The following DNAAF2 variants were observed in gnomAD, a reference collection of about 807,000 sequenced individuals.
The protein encoded by DNAAF2 is protein kintoun.
DNAAF2 carries 58 observed loss-of-function variants against 48.8 expected under a neutral mutation model. The ratio of observed to expected loss-of-function variants is 1.19; its 90% confidence interval spans 0.96 to 1.48. The LOEUF (loss-of-function observed/expected upper bound fraction) is 1.48. DNAAF2 is among the 40% of genes most tolerant of loss of function. DNAAF2 has a pLI of 0.00. For synonymous variants in DNAAF2, 567 were observed against 481.2 expected (o/e 1.18, Z -2.33); for missense variants, 1,241 against 1,116.1 (o/e 1.11, Z -1.59).
Position 49,633,988 on chromosome 14 carries a change from C to G in DNAAF2, c.1162G>C (p.Ala388Pro). The change falls in exon 1 of 3, where the codon GCG (alanine) becomes CCG (proline). Residue 388 changes from alanine (A) to proline (P), a missense_variant. Transcript: ENST00000298292. ...TCCGCGCGACTCCTCGCGGGTCCCG[C>G]CTCCCCCTCGCGAGCGGAAGCGCAG... ...QACASAREGE[A>P]GPARSRAEDG... 1 of 1,524,704 alleles carries G rather than the reference C, an allele frequency of 6.6e-7. No homozygotes were observed. The highest frequency in any genetic ancestry group is 1.2e-5 in the South Asian group (1 of 82,586). 94.4% of individuals were successfully genotyped at this position (1,524,704 alleles called of 1,614,324 possible).
In DNAAF2 at chr14:49,634,921, C is replaced by T; in HGVS notation, c.229G>A (p.Val77Met). The stretch of plus-strand genomic sequence containing the variant: ...GCCCCGTCCAGGCTGGTGCGCAGCA[C>T]ATGGCCGGGCTCCGGGTGCACGAAC... ...VRFVHPEPGH[V>M]LRTSLDGARR... Residue 77 changes from valine (V) to methionine (M), a missense_variant, in exon 1 of 3, where the codon GTG becomes ATG. Transcript: ENST00000298292. The T allele has an allele frequency of 6.4e-7, 1 of 1,553,222 alleles. No individual in the cohort carries two copies. Among genetic ancestry groups the T allele is most frequent in the Non-Finnish European group, 8.7e-7 (1 of 1,148,272 alleles).
Position 49,634,843 on chromosome 14 carries a change from T to G in DNAAF2, c.307A>C (p.Ser103Arg). 6.5e-7 allele frequency: 1 copy of G among 1,545,724 alleles called. No individual in the cohort carries two copies. Among genetic ancestry groups the G allele is most frequent in the Non-Finnish European group, 8.7e-7 (1 of 1,145,852 alleles). The change falls in exon 1 of 3, where the codon AGC becomes CGC. Residue 103 changes from serine to arginine, a missense_variant. By Grantham distance (110) the Ser-to-Arg change is moderately radical. Transcript: ENST00000298292. ...CGGTCGCCACCGGAGCCGGGCCGGC[T>G]GCTGGGCGCGCCCACCAACGCGTTG... ...CSNALVGAPS[S>R]RPGSGGDRGA...
In DNAAF2 at chr14:49,625,515, T is replaced by C; in HGVS notation, c.*27A>G. On this transcript the variant is annotated 3_prime_UTR_variant, in exon 3 of 3. Coordinates refer to ENST00000298292, the MANE Select transcript of DNAAF2 (RefSeq NM_018139.3). ...AGATACAGGTATTTTTTAACCTTAA[T>C]ATTTAAAAGTCCAAAATTATATAGA... The C allele has an allele frequency of 7.1e-7, 1 of 1,401,226 alleles. No individual in the cohort carries two copies. The highest frequency in any genetic ancestry group is 9.4e-7 in the Non-Finnish European group (1 of 1,059,628). The allele number at this position is 1,401,226 out of a possible 1,614,324, so 86.8% of individuals were successfully genotyped here.
Position 49,634,305 on chromosome 14 carries a change from T to TCATGGGG in DNAAF2, c.838_844dup (p.Glu282AlafsTer3). The TCATGGGG allele has an allele frequency of 6.2e-7, 1 of 1,611,940 alleles. No homozygotes were observed. The highest frequency in any genetic ancestry group is 8.5e-7 in the Non-Finnish European group (1 of 1,179,726). ...CGGCAGTTCGATGGTGATCACCAGC[T>TCATGGGG]CATGGGGCACGGGGCTCGGGGCTGA... On this transcript the variant is annotated stop_gained and frameshift_variant, in exon 1 of 3. Coordinates refer to ENST00000298292, the MANE Select transcript of DNAAF2 (RefSeq NM_018139.3). LOFTEE classifies it high-confidence loss of function.
intron 2 of DNAAF2, among the ~76,000 whole-genome samples, chr14:49,626,422 G>A (rs1463979183): frequency 6.6e-6 from 1 of 152,170 alleles, no homozygotes; most frequent in Non-Finnish European, 1.5e-5. Flanking sequence ...CCGGGAGGTG[G>A]AGGTTGCACT....
chr14:49,629,193 A>C (rs1293970631), intron 1 of DNAAF2: 1 of 151,714 alleles, frequency 6.6e-6, no homozygotes, highest in Admixed American at 6.6e-5. Flanking sequence ...AAACTTCTGC[A>C]CTCAAGTGAT....
intron 1 of DNAAF2, 37 bp downstream of exon 1, chr14:49,633,250 A>T (rs1883211330): frequency 6.2e-7 from 1 of 1,601,258 alleles, no homozygotes; most frequent in East Asian, 2.2e-5. Context: ...GTGAGATGGG[A>T]TATTTCAAAT....
intron 1 of DNAAF2, among the ~76,000 whole-genome samples, chr14:49,630,653 CA>C (rs1240085745): frequency 2.3e-5 from 3 of 131,378 alleles, no homozygotes; most frequent in Non-Finnish European, 3.4e-5. Context: ...TATTTTGGCC[CA>C]AATAAACTCT....
chr14:49,633,935 A>AGCCACGCAGGTATCGT lies in DNAAF2; in HGVS notation c.1199_1214dup (p.Gly406ArgfsTer90), dbSNP rs397515341. 11 of 1,530,750 alleles carry AGCCACGCAGGTATCGT rather than the reference A, an allele frequency of 7.2e-6. No homozygotes were observed. Among genetic ancestry groups the AGCCACGCAGGTATCGT allele is most frequent in the Non-Finnish European group, 1.7e-6 (2 of 1,144,912 alleles). The allele number at this position is 1,530,750 out of a possible 1,614,324, so 94.8% of individuals were successfully genotyped here. On this transcript the variant is annotated frameshift_variant, in exon 1 of 3. Coordinates refer to ENST00000298292, the MANE Select transcript of DNAAF2 (RefSeq NM_018139.3). LOFTEE classifies it high-confidence loss of function. ...TGGTGACCCCGGAGCCCGCAGCCCCAGCCACGCAGGTATCGTGGCCTCCGT... is the reference window on the plus strand; with the variant it reads ...TGGTGACCCCGGAGCCCGCAGCCCCAGCCACGCAGGTATCGTGCCACGCAGGTATCGTGGCCTCCGT...
intron 1 of DNAAF2, 74 bp downstream of exon 1, chr14:49,633,212 GC>G: frequency 6.5e-7 from 1 of 1,549,048 alleles, no homozygotes; most frequent in Non-Finnish European, 8.8e-7. Context: ...GAGCCACCGC[GC>G]CCGGCCGGTA....
Position 49,633,386 on chromosome 14 carries a change from G to C in DNAAF2, c.1764C>G (p.Ser588Arg). The C allele has an allele frequency of 1.9e-6, 3 of 1,614,050 alleles. No homozygotes were observed. Among genetic ancestry groups the C allele is most frequent in the Non-Finnish European group, 2.5e-6 (3 of 1,179,900 alleles). The change falls in exon 1 of 3, where the codon AGC (serine) becomes AGG (arginine). Residue 588 changes from serine (S) to arginine (R), a missense_variant. Transcript: ENST00000298292. ...NKLSTTEPVI[S>R]ISSNNAVIEL... The stretch of plus-strand genomic sequence containing the variant: ...CTATCACTGCATTGTTTGAAGAAAT[G>C]CTAATCACAGGTTCTGTGGTACTCA...
rs778237690 is a variant in DNAAF2 at position 49,633,761 on chromosome 14, A to G, written c.1389T>C (p.Gly463=). The G allele has an allele frequency of 1.9e-6, 3 of 1,591,248 alleles. No individual in the cohort carries two copies. The highest frequency in any genetic ancestry group is 2.6e-6 in the Non-Finnish European group (3 of 1,172,342). ...AGGACAAACAAGGGGAGCCTCCGCC[A>G]CCAGGTGAGTTTTCTCCTCCAGGAG... is the stretch of plus-strand genomic sequence containing the variant. The part of the protein sequence containing the change: ...EPSPGGENSP[G]GGGSPCLSSR... The change falls in exon 1 of 3, where the codon GGT becomes GGC. Residue 463 remains glycine (G), a synonymous_variant. Transcript: ENST00000298292.
chr14:49,625,635 G>T lies in DNAAF2; in HGVS notation c.2421C>A (p.Thr807=), dbSNP rs1594602058. Residue 807 remains threonine (T), a synonymous_variant, in exon 3 of 3, where the codon ACC becomes ACA. Coordinates refer to ENST00000298292, the MANE Select transcript of DNAAF2 (RefSeq NM_018139.3). ...CCTGCACACTACCATCCTGCATATT[G>T]GTTTCTTTTATGCTGTCGAATCCAG... is the stretch of plus-strand genomic sequence containing the variant. ...NIPGFDSIKE[T]NMQDGSVQVI... The T allele has an allele frequency of 6.2e-7, 1 of 1,613,594 alleles. No homozygotes were observed. Among genetic ancestry groups the T allele is most frequent in the East Asian group, 2.2e-5 (1 of 44,804 alleles).
chr14:49,634,942 C>T lies in DNAAF2; in HGVS notation c.208G>A (p.Val70Met), dbSNP rs906587547. The change falls in exon 1 of 3, where the codon GTG (valine) becomes ATG (methionine). Residue 70 changes from valine (V) to methionine (M), a missense_variant. Val to Met is a conservative substitution (Grantham distance 21). Transcript: ENST00000298292. Reference protein sequence around the residue: ...ERERGVEVRFVHPEPGHVLRT... With the variant: ...ERERGVEVRFMHPEPGHVLRT... ...AGCACATGGCCGGGCTCCGGGTGCA[C>T]GAACCGCACTTCCACCCCGCGCTCA... The T allele has an allele frequency of 6.4e-7, 1 of 1,556,368 alleles. No homozygotes were observed.
At chr14:49,629,557 T>C (rs1179033879) in intron 1 of DNAAF2, 3 of 152,056 alleles carry the variant, frequency 2.0e-5, no homozygotes, top group Non-Finnish European at 1.5e-5. Context: ...GAGACCAGCC[T>C]GGCCAACATA....
chr14:49,635,152 T>C lies in DNAAF2; in HGVS notation c.-3A>G. On this transcript the variant is annotated 5_prime_UTR_variant, in exon 1 of 3. Transcript: ENST00000298292. ...GAGGAGGCCGCCGCTTTGGCCATAC[T>C]GTCCTGTGGCTCCTCGCCCTCGGGC... 1 of 1,556,280 alleles carries C rather than the reference T, an allele frequency of 6.4e-7. No individual in the cohort carries two copies. The highest frequency in any genetic ancestry group is 2.4e-5 in the East Asian group (1 of 41,382).
rs1186991886 is a variant in DNAAF2 at position 49,634,465 on chromosome 14, G to C, written c.685C>G (p.Gln229Glu). 1 of 1,570,782 alleles carries C rather than the reference G, an allele frequency of 6.4e-7. No homozygotes were observed. The highest frequency in any genetic ancestry group is 1.8e-5 in the Admixed American group (1 of 54,830). Residue 229 changes from glutamine (Q) to glutamate (E), a missense_variant, in exon 1 of 3, where the codon CAG (glutamine) becomes GAG (glutamate). Transcript: ENST00000298292. Reference sequence around the variant, plus strand: ...CGGGGCCCGGGGGCTGCCGGGTACTGGTAAGGGTAGGGGAAGTCCGGGAGA... The same window carrying C: ...CGGGGCCCGGGGGCTGCCGGGTACTCGTAAGGGTAGGGGAAGTCCGGGAGA... ...GPLPDFPYPY[Q>E]YPAAPGPRAP...
Position 49,634,794 on chromosome 14 carries a change from C to T in DNAAF2, c.356G>A (p.Trp119Ter). 1 of 1,565,088 alleles carries T rather than the reference C, an allele frequency of 6.4e-7. No individual in the cohort carries two copies. The highest frequency in any genetic ancestry group is 8.6e-7 in the Non-Finnish European group (1 of 1,158,718). ...GDRGAAPGSH[W>*]SLPYSLAPGR... ...GGGCGCCAGGCTGTAGGGCAGGGAC[C>T]AGTGGCTGCCAGGAGCTGCGCCCCG... Residue 119 changes from tryptophan to a stop codon, truncating the protein, a stop_gained, in exon 1 of 3, where the codon TGG becomes TAG. Coordinates refer to ENST00000298292, the MANE Select transcript of DNAAF2 (RefSeq NM_018139.3). LOFTEE classifies it high-confidence loss of function.
intron 2 of DNAAF2, among the ~76,000 whole-genome samples, chr14:49,627,520 A>AT (rs551610330): frequency 5.6e-4 from 85 of 152,280 alleles, no homozygotes; most frequent in East Asian, 1.4e-3. Context: ...TAATGTGAAA[A>AT]TGAATAGCAA....
Sources: gnomAD v4.1 joint callset for allele counts (sites outside exome capture counted in the v4.1 genomes callset) on GRCh38, gnomAD v4.1.1 for gene constraint, MANE v1.5 for transcripts, NCBI Gene and HGNC (gene_info 2026-07-23, HGNC 2026-07-21) for gene names.